Variants in DCAF1 observed in about 807,000 individuals in gnomAD.
DCAF1 encodes DDB1- and CUL4-associated factor 1.
DCAF1 carries 15 observed loss-of-function variants against 128.0 expected under a neutral mutation model. The observed-to-expected ratio is 0.12, with a 90% CI of 0.08 to 0.18. The LOEUF is 0.18. Among genes scored for constraint, DCAF1 ranks in the 10% least tolerant of loss-of-function variants. The pLI, the probability that DCAF1 is intolerant of heterozygous loss-of-function variation, is 1.00. For missense variants in DCAF1, 988 were observed against 1,649.5 expected (o/e 0.60, Z 6.95); for synonymous variants, 610 against 603.0 (o/e 1.01, Z -0.17).
At chr3:51,450,679 A>C (rs1053974727) in intron 6 of DCAF1, among the ~76,000 whole-genome samples, 1 of 152,202 alleles carries the variant, frequency 6.6e-6, no homozygotes, top group Non-Finnish European at 1.5e-5. Context: ...ACAAGGTCTC[A>C]CTATGTTTTC....
At chr3:51,401,666 G>A (rs575098376) in intron 24 of DCAF1, among the ~76,000 whole-genome samples, 1 of 152,338 alleles carries the variant, frequency 6.6e-6, no homozygotes, top group African/African-American at 2.4e-5. Context: ...TACAAACTGA[G>A]TGGCTTTATA....
At chr3:51,495,270 G>A (rs1255077470) in intron 2 of DCAF1, among the ~76,000 whole-genome samples, 2 of 152,170 alleles carry the variant, frequency 1.3e-5, no homozygotes, top group African/African-American at 2.4e-5. Context: ...GTTGCAGTGA[G>A]CCGAGATTGC....
At chr3:51,425,297 C>T (rs1248060433) in intron 13 of DCAF1, among the ~76,000 whole-genome samples, 1 of 151,908 alleles carries the variant, frequency 6.6e-6, no homozygotes, top group East Asian at 2.0e-4. Context: ...ATGGCAAAAC[C>T]CCGTCTCTAC....
At chr3:51,453,717 C>G (rs1702584180) in intron 6 of DCAF1, among the ~76,000 whole-genome samples, 2 of 152,154 alleles carry the variant, frequency 1.3e-5, no homozygotes, top group South Asian at 2.1e-4. Context: ...CTTTGGGAGG[C>G]CAAGGCGGGC....
intron 9 of DCAF1, among the ~76,000 whole-genome samples, chr3:51,439,906 T>C (rs371020791): frequency 1.8e-4 from 27 of 152,026 alleles, no homozygotes; most frequent in African/African-American, 6.0e-4. Flanking sequence ...GGCAGGAGAA[T>C]TGCTTGACCC....
chr3:51,408,263 A>G (rs1038860807), intron 23 of DCAF1, among the ~76,000 whole-genome samples: 17 of 152,336 alleles, frequency 1.1e-4, no homozygotes, highest in African/African-American at 3.6e-4. Flanking sequence ...TGTCAATTAT[A>G]TCTCGATAAA....
chr3:51,460,057 G>A (rs1297309889), intron 6 of DCAF1, among the ~76,000 whole-genome samples: 2 of 152,066 alleles, frequency 1.3e-5, no homozygotes, highest in Non-Finnish European at 1.5e-5. Context: ...TTCTGGCCAG[G>A]GCAATCAGGC....
chr3:51,413,920 A>G, intron 20 of DCAF1, 30 bp downstream of exon 20: 1 of 1,461,390 alleles, frequency 6.8e-7, no homozygotes, highest in Non-Finnish European at 9.1e-7. Flanking sequence ...AGCAAAAGGA[A>G]AGAGAATAAT....
At position 51,426,732 on chromosome 3, in the gene DCAF1, C is replaced by A. The variant is rs545131112; in HGVS notation, c.1847+640G>T. Among the ~76,000 whole-genome samples the A allele has an allele frequency of 2.6e-5, 4 of 152,310 alleles. No individual in the cohort carries two copies. In the South Asian group the frequency reaches 8.3e-4, roughly 32 times the overall value. On this transcript the variant is annotated intron_variant, in intron 13 of 24. Coordinates refer to ENST00000684031, the MANE Select transcript of DCAF1 (RefSeq NM_001387579.1). ...TATATTCCCCTAAATAAGCCCCTCT[C>A]TTATCTTTATGGCAGTGAGTGAATA...
chr3:51,420,571 C>T lies in DCAF1; in HGVS notation c.2399G>A (p.Ser800Asn), dbSNP rs1300976157. 2.5e-6 allele frequency: 4 copies of T among 1,613,852 alleles called. No homozygotes were observed. The highest frequency in any genetic ancestry group is 1.3e-5 in the African/African-American group (1 of 74,950). ...MKEPVLQDKR[S>N]DHVKFCKYAA... ...ATACTTGCAGAACTTGACATGGTCA[C>T]TGCGCTTGTCCTGCAGCACAGGCTC... is the stretch of plus-strand genomic sequence containing the variant. Residue 800 changes from serine to asparagine, a missense_variant, in exon 15 of 25, where the codon AGT (serine) becomes AAT (asparagine). Physicochemically the swap from Ser to Asn is conservative, Grantham distance 46 (BLOSUM62 1). Around this residue, in one of 11 missense-constraint regions of DCAF1, gnomAD observed 76 missense variants for 186.9 expected, o/e 0.41. Transcript: ENST00000684031. The surrounding 1 kb of genome is among the most constrained non-coding windows in gnomAD (Gnocchi z 6.5).
In DCAF1 at chr3:51,413,392, G is replaced by A. The variant is rs1553629167; in HGVS notation, c.3932-6C>T. 2 of 1,608,854 alleles carry A rather than the reference G, an allele frequency of 1.2e-6. No homozygotes were observed. The highest frequency in any genetic ancestry group is 1.7e-6 in the Non-Finnish European group (2 of 1,177,338). On this transcript the variant is annotated splice_region_variant and splice_polypyrimidine_tract_variant and intron_variant, in intron 20 of 24. Transcript: ENST00000684031. ...ATCATCTGCCTGCAACATAGCTTGA[G>A]GGGGAGTGGGGGAGGAAACACTATT... is the stretch of plus-strand genomic sequence containing the variant.
At position 51,468,358 on chromosome 3, in the gene DCAF1, G is replaced by A. The variant is rs1704362396; in HGVS notation, c.188-1482C>T. ...AGCTAATTCCTGTATTTTTAGTAGA[G>A]TCGGGGTTTCACCATGTTGGCCAAG... On this transcript the variant is annotated intron_variant, in intron 4 of 24. Transcript: ENST00000684031. 2.0e-5 allele frequency among the ~76,000 whole-genome samples: 3 copies of A among 152,136 alleles called. No homozygotes were observed. The South Asian group carries it at 6.2e-4, about 31-fold the overall frequency.
rs781995287 is a variant in DCAF1, at chr3:51,499,966, TCACACACA to T, written c.-157_-150del. On this transcript the variant is annotated 5_prime_UTR_variant, in exon 1 of 25. It removes the in-frame stop codon of an upstream open reading frame in the 5' UTR. Transcript: ENST00000684031. ...CTCAGGTCCCGCACTCACTCTCCAC[TCACACACA>T]CACACAGCGCGACCACGGCTCCACA... is the stretch of plus-strand genomic sequence containing the variant. 1 of 103,828 alleles carries T rather than the reference TCACACACA, an allele frequency of 9.6e-6. No homozygotes were observed. The highest frequency in any genetic ancestry group is 1.1e-4 in the Admixed American group (1 of 8,974). The allele number at this position is 103,828 out of a possible 1,614,324, so 6.4% of individuals were successfully genotyped here.
rs558764704 is a variant in DCAF1 at position 51,440,888 on chromosome 3, A to G, written c.1128+82T>C. The G allele has an allele frequency of 1.3e-5, 15 of 1,185,752 alleles. No homozygotes were observed. The Admixed American group carries it at 3.3e-4, about 26-fold the overall frequency. The allele number at this position is 1,185,752 out of a possible 1,614,324, so 73.5% of individuals were successfully genotyped here. On this transcript the variant is annotated intron_variant, in intron 9 of 24. Coordinates refer to ENST00000684031, the MANE Select transcript of DCAF1 (RefSeq NM_001387579.1). Reference sequence around the variant, plus strand: ...ACCACTGCACTCCAGCCTGGGCGACAGAGTGAGACTCCATCTTAAATTTAA... The same window carrying G: ...ACCACTGCACTCCAGCCTGGGCGACGGAGTGAGACTCCATCTTAAATTTAA...
At chr3:51,447,001 A>ATAATAAT (rs1553640365) in intron 6 of DCAF1, among the ~76,000 whole-genome samples, 1 of 148,496 alleles carries the variant, frequency 6.7e-6, no homozygotes, top group Non-Finnish European at 1.5e-5. Context: ...AATAATAATA[A>ATAATAAT]AATGTTTTAA....
chr3:51,395,890 T>C, downstream of DCAF1: 1 of 413,520 alleles, frequency 2.4e-6, no homozygotes, highest in Non-Finnish European at 4.4e-6. Context: ...TGTTTATTTA[T>C]TTGCCTGTTT....
In DCAF1 at chr3:51,398,661, C is replaced by A; in HGVS notation, c.*108G>T. The stretch of plus-strand genomic sequence containing the variant: ...AATCTTCTGAATGCAGGGCATGCAG[C>A]TCCTTAAAAGACAGACAGCCCTGGG... On this transcript the variant is annotated 3_prime_UTR_variant, in exon 25 of 25. Coordinates refer to ENST00000684031, the MANE Select transcript of DCAF1 (RefSeq NM_001387579.1). 7.0e-7 allele frequency: 1 copy of A among 1,419,012 alleles called. No homozygotes were observed. Among genetic ancestry groups the A allele is most frequent in the Non-Finnish European group, 9.6e-7 (1 of 1,045,034 alleles). The allele number at this position is 1,419,012 out of a possible 1,614,324, so 87.9% of individuals were successfully genotyped here.
intron 24 of DCAF1, 37 bp from the exon 25 acceptor site, chr3:51,398,864 C>G: frequency 1.3e-6 from 2 of 1,562,750 alleles, no homozygotes; most frequent in Non-Finnish European, 1.7e-6. Context: ...AGATTACACA[C>G]TAGGCTTATA....
chr3:51,494,591 C>A (rs1553659809), intron 2 of DCAF1, among the ~76,000 whole-genome samples: 2 of 152,120 alleles, frequency 1.3e-5, no homozygotes, highest in East Asian at 1.9e-4. Flanking sequence ...CCAGAAGAGA[C>A]TGCTTCTTAG....
Sources: allele counts gnomAD v4.1 joint callset (sites outside exome capture counted in the v4.1 genomes callset), GRCh38; gene constraint gnomAD v4.1.1; regional missense constraint gnomAD v4.1.1; non-coding constraint Gnocchi (gnomAD v3.1); transcripts MANE v1.5; gene names NCBI Gene and HGNC (gene_info 2026-07-23, HGNC 2026-07-21).